Variants in CHLSN observed in about 807,000 individuals in gnomAD.
The protein encoded by CHLSN is cholesin.
the CHLSN span, among the ~76,000 whole-genome samples, chr7:1,009,041 G>GCC: frequency 0.16 from 23,934 of 149,618 alleles, 2,294 homozygotes; most frequent in Admixed American, 0.21. Flanking sequence ...GTACACACAT[G>GCC]CACACACGTA....
At chr7:988,372 G>T in the CHLSN span, 1 of 1,612,670 alleles carries the variant, frequency 6.2e-7, no homozygotes, top group African/African-American at 1.3e-5. Flanking sequence ...TCCTGGACGC[G>T]AATGGGCACT....
the CHLSN span, among the ~76,000 whole-genome samples, chr7:991,500 G>A: frequency 2.6e-5 from 4 of 152,292 alleles, no homozygotes; most frequent in East Asian, 1.9e-4. Context: ...GGGGGGGGCC[G>A]AGTGAGACCC....
At chr7:1,000,904 G>C in the CHLSN span, among the ~76,000 whole-genome samples, 23 of 152,326 alleles carry the variant, frequency 1.5e-4, no homozygotes, top group Admixed American at 8.5e-4. Flanking sequence ...GAAAGGGAGC[G>C]ATGTAATTGA....
At chr7:1,102,684 C>A in the CHLSN span, among the ~76,000 whole-genome samples, 2 of 152,188 alleles carry the variant, frequency 1.3e-5, no homozygotes, top group Non-Finnish European at 2.9e-5. Flanking sequence ...GAACAGGTGA[C>A]CCACTGAACT....
the CHLSN span, chr7:1,055,523 G>T: frequency 2.2e-6 from 1 of 449,096 alleles, no homozygotes; most frequent in South Asian, 1.6e-5. Context: ...GAGGGGACGT[G>T]GGGGGCTCTG....
the CHLSN span, among the ~76,000 whole-genome samples, chr7:1,109,176 C>T: frequency 0.051 from 7,794 of 152,248 alleles, 265 homozygotes; most frequent in African/African-American, 0.084. Flanking sequence ...GGAGCCACCA[C>T]GCCCAGCCTC....
chr7:1,058,744 A>C, the CHLSN span: 1 of 565,662 alleles, frequency 1.8e-6, no homozygotes. Context: ...GCGTCTCCCA[A>C]ACACGCAGCT....
the CHLSN span, among the ~76,000 whole-genome samples, chr7:1,097,331 G>T: frequency 6.6e-6 from 1 of 152,146 alleles, no homozygotes; most frequent in African/African-American, 2.4e-5. This position sits in a 1 kb window ranked among gnomAD's most constrained non-coding sequence, Gnocchi z 4.3. Context: ...GACAAGAAAG[G>T]CTCCAAGAGC....
the CHLSN span, among the ~76,000 whole-genome samples, chr7:1,133,214 G>T: frequency 1.3e-5 from 2 of 152,088 alleles, no homozygotes; most frequent in African/African-American, 4.8e-5. Flanking sequence ...TTCCACTTCT[G>T]TGAAAAGCTC....
the CHLSN span, among the ~76,000 whole-genome samples, chr7:1,002,203 G>C: frequency 2.1e-4 from 22 of 103,920 alleles, no homozygotes; most frequent in African/African-American, 9.1e-4. Flanking sequence ...GGGGAGTCCT[G>C]TGGGTGAGTG....
At chr7:1,070,892 G>A in the CHLSN span, among the ~76,000 whole-genome samples, 3 of 142,500 alleles carry the variant, frequency 2.1e-5, no homozygotes, top group Admixed American at 7.0e-5. Context: ...ATGCACACAC[G>A]TGCACACACA....
At chr7:1,049,801 A>C in the CHLSN span, among the ~76,000 whole-genome samples, 1 of 152,220 alleles carries the variant, frequency 6.6e-6, no homozygotes, top group African/African-American at 2.4e-5. Context: ...GTTTTCGGTC[A>C]AATTTTGGGC....
At chr7:1,052,883 C>G in the CHLSN span, among the ~76,000 whole-genome samples, 21,132 of 152,204 alleles carry the variant, frequency 0.14, 1,732 homozygotes, top group Middle Eastern at 0.22. This position sits in a 1 kb window ranked among gnomAD's most constrained non-coding sequence, Gnocchi z 4.2. Context: ...CCTCCAGAAT[C>G]TTTCATCGCC....
chr7:983,292 A>G, the CHLSN span: 1 of 1,543,200 alleles, frequency 6.5e-7, no homozygotes, highest in Non-Finnish European at 8.7e-7. Context: ...ACCCCTCCCC[A>G]GCTGCCCGGT....
At chr7:1,069,962 G>T in the CHLSN span, among the ~76,000 whole-genome samples, 2 of 111,848 alleles carry the variant, frequency 1.8e-5, no homozygotes, top group African/African-American at 3.8e-5. Context: ...CTGCCCGGCT[G>T]CCCATCGTCT....
the CHLSN span, chr7:1,044,712 G>C: frequency 6.6e-6 from 1 of 152,190 alleles, no homozygotes; most frequent in African/African-American, 2.4e-5. Flanking sequence ...CCCAGTCTCC[G>C]CCTGGGGAGG....
At chr7:1,104,552 G>C in the CHLSN span, among the ~76,000 whole-genome samples, 1 of 152,222 alleles carries the variant, frequency 6.6e-6, no homozygotes, top group African/African-American at 2.4e-5. Context: ...CCAGGTCAGC[G>C]CAACTGTGTT....
At chr7:1,057,628 T>A in the CHLSN span, 1 of 769,966 alleles carries the variant, frequency 1.3e-6, no homozygotes. Flanking sequence ...GTGGTGGGCG[T>A]GCCAGTGGGC....
At chr7:1,102,062 G>A in the CHLSN span, among the ~76,000 whole-genome samples, 25 of 152,236 alleles carry the variant, frequency 1.6e-4, no homozygotes, top group Admixed American at 4.6e-4. Flanking sequence ...CAGCATGTCC[G>A]CTGACCACAG....
Sources: allele counts gnomAD v4.1 joint callset (sites outside exome capture counted in the v4.1 genomes callset), GRCh38; gene constraint gnomAD v4.1.1; non-coding constraint Gnocchi (gnomAD v3.1); transcripts MANE v1.5; gene names NCBI Gene and HGNC (gene_info 2026-07-23, HGNC 2026-07-21).